NAP1L4: variants seen among roughly 807,000 people sequenced by gnomAD.
The protein encoded by NAP1L4 is nucleosome assembly protein 1 like 4.
In NAP1L4, 15 loss-of-function variants were observed where a neutral mutation model predicts 58.2. That is an observed-to-expected ratio of 0.26 (90% confidence interval 0.17 to 0.40). The LOEUF (loss-of-function observed/expected upper bound fraction) is 0.40, where lower values mean the gene tolerates loss of function less well. Among genes scored for constraint, NAP1L4 ranks in the 10% least tolerant of loss-of-function variants. NAP1L4 has a pLI of 1.00. For synonymous variants in NAP1L4, 171 were observed against 155.6 expected (o/e 1.10, Z -0.74); for missense variants, 384 against 451.1 (o/e 0.85, Z 1.35).
At position 2,946,061 on chromosome 11, in the gene NAP1L4, C is replaced by T. The variant is rs368756542; in HGVS notation, c.*33-415G>A. 2.6e-3 allele frequency among the ~76,000 whole-genome samples: 394 copies of T among 152,292 alleles called. 2 individuals carry two copies. The highest frequency in any genetic ancestry group is 0.01 in the Middle Eastern group (3 of 294). On this transcript the variant is annotated intron_variant, in intron 15 of 15. Coordinates refer to ENST00000380542, the MANE Select transcript of NAP1L4 (RefSeq NM_005969.4). The surrounding 1 kb of genome is among the most constrained non-coding windows in gnomAD (Gnocchi z 4.8). ...GCAACCCCTCTTGGTGCCAACAGTC[C>T]CCACTTCTCAAGGGCACATCTGTCT...
chr11:2,990,159 T>C (rs1239770432), intron 1 of NAP1L4: 1 of 151,822 alleles, frequency 6.6e-6, no homozygotes, highest in Non-Finnish European at 1.5e-5. Flanking sequence ...TAGGCACAAA[T>C]AACTGCAGAC....
In NAP1L4 at chr11:2,964,605, C is replaced by T. The variant is rs565773285; in HGVS notation, c.606+75G>A. On this transcript the variant is annotated intron_variant, in intron 8 of 15. Coordinates refer to ENST00000380542, the MANE Select transcript of NAP1L4 (RefSeq NM_005969.4). Reference sequence around the variant, plus strand: ...GGTGTGGGTTTTGTGGGTTTCTTGCCCCTGGCTCCAAGTTCTTCCATCTTT... The same window carrying T: ...GGTGTGGGTTTTGTGGGTTTCTTGCTCCTGGCTCCAAGTTCTTCCATCTTT... The T allele has an allele frequency of 1.6e-4, 203 of 1,280,748 alleles. 1 individual carries two copies. In the African/African-American group the frequency reaches 2.8e-3, roughly 18 times the overall value. 79.3% of individuals were successfully genotyped at this position (1,280,748 alleles called of 1,614,324 possible). A position where few individuals can be genotyped will look rare whatever the true frequency, so the allele number is the denominator to read the frequency against.
rs1459570586 is a variant in NAP1L4 at position 2,990,868 on chromosome 11, T to G, written c.-18+1386A>C. ...TGCAGGTATTAGTCATTTAGAGGTATAGTTACTATTACAGGAAGGTAGTAA... is the reference window on the plus strand; with the variant it reads ...TGCAGGTATTAGTCATTTAGAGGTAGAGTTACTATTACAGGAAGGTAGTAA... On this transcript the variant is annotated intron_variant, in intron 1 of 15. Transcript: ENST00000380542. The G allele has an allele frequency of 1.5e-5, 5 of 327,654 alleles. No individual in the cohort carries two copies. The Admixed American group carries it at 1.9e-4, about 13-fold the overall frequency. The allele number at this position is 327,654 out of a possible 1,614,324, so 20.3% of individuals were successfully genotyped here.
rs1467396063 is a variant in NAP1L4 at position 2,954,723 on chromosome 11, C to G, written c.916-77G>C. ...CACTTCACCACCCTCAGCCAAACCTCAGCCCCTCACTTTTGATTTACTTAA... is the reference window on the plus strand; with the variant it reads ...CACTTCACCACCCTCAGCCAAACCTGAGCCCCTCACTTTTGATTTACTTAA... On this transcript the variant is annotated intron_variant, in intron 11 of 15. Transcript: ENST00000380542. The surrounding 1 kb of genome is among the most constrained non-coding windows in gnomAD (Gnocchi z 4.8). 1.3e-6 allele frequency: 2 copies of G among 1,583,650 alleles called. No homozygotes were observed. The highest frequency in any genetic ancestry group is 4.5e-5 in the East Asian group (2 of 44,710).
rs1028295760 is a variant in NAP1L4 at position 2,954,966 on chromosome 11, C to T, written c.916-320G>A. On this transcript the variant is annotated intron_variant, in intron 11 of 15. Transcript: ENST00000380542. The surrounding 1 kb of genome is among the most constrained non-coding windows in gnomAD (Gnocchi z 4.8). ...AAACAGGCAGTATTAAAGCACTGCA[C>T]ATTTGCTACTGAAATCAACATATGA... Among the ~76,000 whole-genome samples the T allele has an allele frequency of 6.6e-6, 1 of 152,124 alleles. No homozygotes were observed. The highest frequency in any genetic ancestry group is 2.1e-4 in the South Asian group (1 of 4,832).
chr11:2,958,245 A>G (rs1471023008), intron 10 of NAP1L4, 154 bp downstream of exon 10: 6 of 782,428 alleles, frequency 7.7e-6, no homozygotes, highest in Non-Finnish European at 1.3e-5. Context: ...TTGCCAGCGC[A>G]CCAACAGAAC....
chr11:2,947,876 G>A (rs973124525), intron 15 of NAP1L4, among the ~76,000 whole-genome samples: 4 of 152,346 alleles, frequency 2.6e-5, no homozygotes, highest in East Asian at 3.9e-4. Flanking sequence ...CCATAGCTGC[G>A]CTGGCGAAGA....
Position 2,978,288 on chromosome 11 carries a change from G to GTTACTTGCA in NAP1L4, c.60_68dup (p.Ala21_Asn23dup). On this transcript the variant is annotated inframe_insertion, in exon 3 of 16. Coordinates refer to ENST00000380542, the MANE Select transcript of NAP1L4 (RefSeq NM_005969.4). ...CTCCATGTGCAGTGGACTGACCTGT[G>GTTACTTGCA]TTACTTGCATTTTTAGCAGCTTCCA... The GTTACTTGCA allele has an allele frequency of 6.2e-7, 1 of 1,613,868 alleles. No homozygotes were observed. Among genetic ancestry groups the GTTACTTGCA allele is most frequent in the South Asian group, 1.1e-5 (1 of 91,068 alleles).
intron 3 of NAP1L4, among the ~76,000 whole-genome samples, chr11:2,977,418 G>C (rs1162008072): frequency 1.3e-5 from 2 of 152,152 alleles, no homozygotes; most frequent in Non-Finnish European, 2.9e-5. Flanking sequence ...TGTTTACCCT[G>C]AATCTCATCA....
chr11:2,982,998 C>A (rs895007901), intron 1 of NAP1L4, among the ~76,000 whole-genome samples: 1 of 151,906 alleles, frequency 6.6e-6, no homozygotes, highest in African/African-American at 2.4e-5. Flanking sequence ...CCAGCCTGGG[C>A]AACACAGCAA....
intron 12 of NAP1L4, among the ~76,000 whole-genome samples, chr11:2,953,748 A>G (rs1846365162): frequency 6.6e-6 from 1 of 152,252 alleles, no homozygotes; most frequent in Non-Finnish European, 1.5e-5. Flanking sequence ...TTACTGCCAC[A>G]GGGGGCTAAG....
At position 2,955,495 on chromosome 11, in the gene NAP1L4, C is replaced by G. The variant is rs1846483231; in HGVS notation, c.915+249G>C. ...TGCTGGTATTACGGGCGTGAACCAC[C>G]ATGTTCGGCTGGCTAATTTATTTGG... On this transcript the variant is annotated intron_variant, in intron 11 of 15. Coordinates refer to ENST00000380542, the MANE Select transcript of NAP1L4 (RefSeq NM_005969.4). This position sits in a 1 kb window ranked among gnomAD's most constrained non-coding sequence, Gnocchi z 4.2. Among the ~76,000 whole-genome samples, 1 of 152,050 alleles carries G rather than the reference C, an allele frequency of 6.6e-6. No individual in the cohort carries two copies. The highest frequency in any genetic ancestry group is 2.1e-4 in the South Asian group (1 of 4,822).
At chr11:2,982,987 T>C (rs1848415236) in intron 1 of NAP1L4, among the ~76,000 whole-genome samples, 1 of 151,958 alleles carries the variant, frequency 6.6e-6, no homozygotes, top group Admixed American at 6.6e-5. Flanking sequence ...ACCACTGCAC[T>C]CCAGCCTGGG....
intron 1 of NAP1L4, chr11:2,990,928 A>T (rs1248324356): frequency 1.7e-5 from 6 of 350,896 alleles, no homozygotes. Flanking sequence ...CCAACAACCT[A>T]ATCTACATAT....
chr11:2,955,749 A>G lies in NAP1L4; in HGVS notation c.910T>C (p.Ser304Pro). 6.2e-7 allele frequency: 1 copy of G among 1,612,760 alleles called. No individual in the cohort carries two copies. The highest frequency in any genetic ancestry group is 1.1e-5 in the South Asian group (1 of 91,036). The change falls in exon 11 of 16, where the codon TCA becomes CCA. Residue 304 changes from serine to proline, a missense_variant. Coordinates refer to ENST00000380542, the MANE Select transcript of NAP1L4 (RefSeq NM_005969.4). The surrounding 1 kb of genome is among the most constrained non-coding windows in gnomAD (Gnocchi z 4.2). ...NPLKASGDGE[S>P]LDEDSEFTLA... is the part of the protein sequence containing the mutation. ...CTATTAACAACAAATCTTACCAGTGATTCTCCATCCCCGGATGCTAGAAAA... is the reference window on the plus strand; with the variant it reads ...CTATTAACAACAAATCTTACCAGTGGTTCTCCATCCCCGGATGCTAGAAAA...
intron 7 of NAP1L4, among the ~76,000 whole-genome samples, chr11:2,967,066 A>C (rs1847323316): frequency 6.6e-6 from 1 of 152,358 alleles, no homozygotes; most frequent in East Asian, 1.9e-4. Flanking sequence ...CCCCAAATTT[A>C]GAACAAAGGG....
chr11:2,953,793 C>G (rs1165069368), intron 12 of NAP1L4, among the ~76,000 whole-genome samples: 1 of 152,238 alleles, frequency 6.6e-6, no homozygotes, highest in Non-Finnish European at 1.5e-5. Flanking sequence ...GCCGCCCTGT[C>G]TGAAGCCCCA....
At chr11:2,981,168 G>A (rs957894135) in intron 1 of NAP1L4, among the ~76,000 whole-genome samples, 5 of 151,512 alleles carry the variant, frequency 3.3e-5, no homozygotes, top group Non-Finnish European at 5.9e-5. Flanking sequence ...AGCACAGGAG[G>A]CAGAGGTTGC....
chr11:2,952,498 T>C (rs1846287066), intron 12 of NAP1L4: 1 of 151,350 alleles, frequency 6.6e-6, no homozygotes. Context: ...GCTTCATTTA[T>C]CAACATTTCC....
Sources: gnomAD v4.1 joint callset for allele counts (sites outside exome capture counted in the v4.1 genomes callset) on GRCh38, gnomAD v4.1.1 for gene constraint, Gnocchi (gnomAD v3.1) non-coding constraint, MANE v1.5 for transcripts, NCBI Gene and HGNC (gene_info 2026-07-23, HGNC 2026-07-21) for gene names.